Variants in CBFA2T2 observed in about 807,000 individuals in gnomAD.
CBFA2T2 encodes the protein CBFA2/RUNX1 partner transcriptional co-repressor 2, also known as protein CBFA2T2.
Under a neutral mutation model 62.2 loss-of-function variants are expected in CBFA2T2, and 11 were observed. The ratio of observed to expected loss-of-function variants is 0.18; its 90% CI spans 0.11 to 0.29. The LOEUF is 0.29. CBFA2T2 is among the 10% of genes least tolerant of loss of function. The pLI is 1.00. For synonymous variants in CBFA2T2, 295 were observed against 287.5 expected (o/e 1.03, Z -0.27); for missense variants, 592 against 774.1 (o/e 0.76, Z 2.79).
At chr20:33,536,349 G>C (rs1424592104) in intron 1 of CBFA2T2, among the ~76,000 whole-genome samples, 1 of 144,762 alleles carries the variant, frequency 6.9e-6, no homozygotes, top group African/African-American at 2.5e-5. Flanking sequence ...GGGCAGAGGG[G>C]CTCCTCACTT....
chr20:33,526,328 T>C (rs2011885378), intron 1 of CBFA2T2, among the ~76,000 whole-genome samples: 1 of 152,192 alleles, frequency 6.6e-6, no homozygotes, highest in Non-Finnish European at 1.5e-5. Context: ...AAAGAAGGTG[T>C]GTACTGATGA....
intron 1 of CBFA2T2, among the ~76,000 whole-genome samples, chr20:33,537,579 C>A (rs1307492500): frequency 2.0e-5 from 3 of 152,108 alleles, no homozygotes; most frequent in East Asian, 3.9e-4. Flanking sequence ...GGAATCTTTG[C>A]CTAACCCGAG....
intron 1 of CBFA2T2, among the ~76,000 whole-genome samples, chr20:33,536,581 G>C (rs2012248206): frequency 6.6e-6 from 1 of 151,536 alleles, no homozygotes; most frequent in East Asian, 2.0e-4. Context: ...TCTCAGACGG[G>C]GCGGCTGCCG....
chr20:33,635,816 A>G (rs532052876), intron 8 of CBFA2T2, among the ~76,000 whole-genome samples: 1 of 152,274 alleles, frequency 6.6e-6, no homozygotes, highest in African/African-American at 2.4e-5. Context: ...TCAAGGGTGC[A>G]GTGAGCCAGT....
chr20:33,494,502 C>T (rs892089288), intron 1 of CBFA2T2, among the ~76,000 whole-genome samples: 8 of 148,862 alleles, frequency 5.4e-5, no homozygotes, highest in African/African-American at 1.7e-4. Flanking sequence ...AGGATGGTCT[C>T]GATCTGCTGA....
At chr20:33,624,252 A>AG (rs966452707) in intron 5 of CBFA2T2, among the ~76,000 whole-genome samples, 6 of 151,112 alleles carry the variant, frequency 4.0e-5, no homozygotes, top group African/African-American at 1.5e-4. Context: ...AAAAAAAAAA[A>AG]AAAGAAAATT....
chr20:33,634,656 C>T (rs1242934667), intron 8 of CBFA2T2, among the ~76,000 whole-genome samples: 1 of 98,456 alleles, frequency 1.0e-5, no homozygotes, highest in East Asian at 3.6e-4. Flanking sequence ...GGCAACAGAG[C>T]AAGACCCTAT....
chr20:33,517,472 CAG>C (rs1201656242), intron 1 of CBFA2T2, among the ~76,000 whole-genome samples: 1 of 135,930 alleles, frequency 7.4e-6, no homozygotes, highest in Non-Finnish European at 1.5e-5. Context: ...TTTTTTGAGA[CAG>C]AGTCTCGCTC....
chr20:33,529,657 TG>T (rs1313640945), intron 1 of CBFA2T2, among the ~76,000 whole-genome samples: 1 of 150,140 alleles, frequency 6.7e-6, no homozygotes, highest in Non-Finnish European at 1.5e-5. Context: ...GAGGATTGCT[TG>T]AGACCCTGTC....
chr20:33,549,277 TAA>T (rs34320004), intron 1 of CBFA2T2, among the ~76,000 whole-genome samples: 4 of 147,238 alleles, frequency 2.7e-5, no homozygotes, highest in African/African-American at 5.0e-5. Flanking sequence ...GACAAATTTA[TAA>T]AAAAAAAAAA....
At chr20:33,533,142 A>G (rs1178811708) in intron 1 of CBFA2T2, among the ~76,000 whole-genome samples, 1 of 152,148 alleles carries the variant, frequency 6.6e-6, no homozygotes, top group East Asian at 1.9e-4. Flanking sequence ...GGTTTAATTG[A>G]CTTACAATAA....
At chr20:33,494,722 C>A (rs1486615656) in intron 1 of CBFA2T2, among the ~76,000 whole-genome samples, 1 of 152,040 alleles carries the variant, frequency 6.6e-6, no homozygotes, top group Admixed American at 6.6e-5. Context: ...CCTCAGCCTT[C>A]CAAATAGCTG....
chr20:33,495,407 G>T (rs62209574), intron 1 of CBFA2T2, among the ~76,000 whole-genome samples: 1 of 147,432 alleles, frequency 6.8e-6, no homozygotes, highest in Non-Finnish European at 1.5e-5. Flanking sequence ...AAAAAAAAAG[G>T]CCGGGCACGA....
At chr20:33,633,857 G>T (rs543578315) in intron 8 of CBFA2T2, among the ~76,000 whole-genome samples, 1 of 152,226 alleles carries the variant, frequency 6.6e-6, no homozygotes, top group Admixed American at 6.5e-5. Flanking sequence ...TCTGTTTCCT[G>T]AACTCAGGCT....
rs148928137 is a variant in CBFA2T2, at chr20:33,567,075, A to G, written c.35-39881A>G. Among the ~76,000 whole-genome samples the G allele has an allele frequency of 2.1e-3, 324 of 152,360 alleles. 2 individuals carry two copies. Among genetic ancestry groups the G allele is most frequent in the African/African-American group, 7.6e-3 (316 of 41,586 alleles). ...TGGTTGTATCTTGCAGAAAAACAACATATTATAACTGGTGTTTGTATTTTC... is the reference window on the plus strand; with the variant it reads ...TGGTTGTATCTTGCAGAAAAACAACGTATTATAACTGGTGTTTGTATTTTC... On this transcript the variant is annotated intron_variant, in intron 1 of 10. Transcript: ENST00000342704.
At chr20:33,550,865 G>A (rs541976243) in intron 1 of CBFA2T2, among the ~76,000 whole-genome samples, 10 of 152,060 alleles carry the variant, frequency 6.6e-5, no homozygotes, top group South Asian at 2.1e-4. Context: ...CAGGTGATCC[G>A]TCCCCTCTCG....
intron 1 of CBFA2T2, among the ~76,000 whole-genome samples, chr20:33,548,804 A>G (rs1340529316): frequency 1.3e-5 from 2 of 152,124 alleles, no homozygotes; most frequent in South Asian, 2.1e-4. Flanking sequence ...CTTCCCCCGA[A>G]AAAAAGCCAG....
intron 7 of CBFA2T2, 109 bp downstream of exon 7, chr20:33,628,544 C>T (rs2016336052): frequency 1.4e-6 from 1 of 726,512 alleles, no homozygotes; most frequent in Non-Finnish European, 2.4e-6. Flanking sequence ...TCTCAGTTCA[C>T]TGCAACTTCT....
chr20:33,494,039 C>T (rs2011169291), intron 1 of CBFA2T2, among the ~76,000 whole-genome samples: 2 of 150,106 alleles, frequency 1.3e-5, no homozygotes, highest in Non-Finnish European at 3.0e-5. Flanking sequence ...TATGGCACCA[C>T]CCCTGGTAAT....
Sources: allele counts gnomAD v4.1 joint callset (sites outside exome capture counted in the v4.1 genomes callset), GRCh38; gene constraint gnomAD v4.1.1; transcripts MANE v1.5; gene names NCBI Gene and HGNC (gene_info 2026-07-23, HGNC 2026-07-21).